The following PROM2 variants were observed in gnomAD, a reference collection of about 807,000 sequenced individuals.
PROM2 encodes the protein prominin 2, also known as prominin-2.
In PROM2, 90 loss-of-function variants were observed where a neutral mutation model predicts 110.2. The observed-to-expected ratio is 0.82, with a 90% confidence interval of 0.69 to 0.97. The LOEUF is 0.97. PROM2 is among the 50% of genes least tolerant of loss of function. PROM2 has a pLI of 0.00. For synonymous variants in PROM2, 470 were observed against 467.8 expected, an observed-to-expected ratio of 1.00 and a Z score of -0.06; for missense variants, 1,009 against 1,074.8, an observed-to-expected ratio of 0.94 and a Z score of 0.86.
intron 14 of PROM2, 32 bp from the exon 15 acceptor site, chr2:95,284,937 G>T: frequency 6.3e-7 from 1 of 1,597,926 alleles, no homozygotes; most frequent in Admixed American, 1.7e-5. Flanking sequence ...CAGCAACTGG[G>T]CATGACTCCC....
At chr2:95,283,416 A>G (rs1463764635) in intron 14 of PROM2, among the ~76,000 whole-genome samples, 4 of 152,238 alleles carry the variant, frequency 2.6e-5, no homozygotes, top group Non-Finnish European at 5.9e-5. Flanking sequence ...CTCAAAGGAG[A>G]CACTGATGGG....
chr2:95,277,982 A>G lies in PROM2; in HGVS notation c.1028A>G (p.Asn343Ser), dbSNP rs576460719. 10 of 1,611,388 alleles carry G rather than the reference A, an allele frequency of 6.2e-6. No individual in the cohort carries two copies. The South Asian group carries it at 6.7e-5, about 11-fold the overall frequency. ...CAGCTAAAAGGTGTCCCCGAGGCCAACTTCTCCAGCATGGTCCAGGAGGTG... is the reference window on the plus strand; with the variant it reads ...CAGCTAAAAGGTGTCCCCGAGGCCAGCTTCTCCAGCATGGTCCAGGAGGTG... ...LHQLKGVPEA[N>S]FSSMVQEENS... is the part of the protein sequence containing the mutation. The change falls in exon 8 of 24, where the codon AAC becomes AGC. Residue 343 changes from asparagine to serine, a missense_variant. Transcript: ENST00000317620.
Position 95,274,627 on chromosome 2 carries a change from G to C in PROM2, c.42G>C (p.Leu14=). 1 of 1,605,042 alleles carries C rather than the reference G, an allele frequency of 6.2e-7. No homozygotes were observed. The highest frequency in any genetic ancestry group is 8.5e-7 in the Non-Finnish European group (1 of 1,173,878). The stretch of plus-strand genomic sequence containing the variant: ...CTCTGCTGGCTCCCCTGCTGGGCCT[G>C]GGCCTGGGGCTGGCCCTGAGTCAGC... The part of the protein sequence containing the change: ...TLALLAPLLG[L]GLGLALSQLA... The change falls in exon 1 of 24, where the codon CTG becomes CTC. Residue 14 remains leucine (L), a synonymous_variant. Coordinates refer to ENST00000317620, the MANE Select transcript of PROM2 (RefSeq NM_001165978.3).
At chr2:95,278,499 G>A in intron 8 of PROM2, 1 of 615,362 alleles carries the variant, frequency 1.6e-6, no homozygotes, top group Admixed American at 2.7e-5. Flanking sequence ...GCAATGGTGG[G>A]AGAGGGATGG....
intron 11 of PROM2, 38 bp from the exon 12 acceptor site, chr2:95,281,203 TC>T: frequency 6.2e-7 from 1 of 1,604,144 alleles, no homozygotes; most frequent in South Asian, 1.1e-5. Flanking sequence ...GGGCAGCCAG[TC>T]CCTGCTGTCC....
chr2:95,277,982 A>T lies in PROM2; in HGVS notation c.1028A>T (p.Asn343Ile). 6.2e-7 allele frequency: 1 copy of T among 1,611,388 alleles called. No individual in the cohort carries two copies. Among genetic ancestry groups the T allele is most frequent in the East Asian group, 2.2e-5 (1 of 44,572 alleles). The change falls in exon 8 of 24, where the codon AAC becomes ATC. Residue 343 changes from asparagine (N) to isoleucine (I), a missense_variant. By Grantham distance (149) the Asn-to-Ile change is moderately radical. Transcript: ENST00000317620. ...CAGCTAAAAGGTGTCCCCGAGGCCA[A>T]CTTCTCCAGCATGGTCCAGGAGGTG... is the stretch of plus-strand genomic sequence containing the variant. ...LHQLKGVPEA[N>I]FSSMVQEENS...
At chr2:95,280,936 T>G (rs1265796947) in intron 11 of PROM2, among the ~76,000 whole-genome samples, 1 of 152,178 alleles carries the variant, frequency 6.6e-6, no homozygotes, top group African/African-American at 2.4e-5. Flanking sequence ...GCTGGGATTA[T>G]AGGTGTGAGC....
In PROM2 at chr2:95,287,453, G is replaced by A. The variant is rs752284377; in HGVS notation, c.2233G>A (p.Val745Met). The change falls in exon 20 of 24, where the codon GTG becomes ATG. Residue 745 changes from valine (V) to methionine (M), a missense_variant. Transcript: ENST00000317620. ...CTACTTCTCCCAGTACGTGGCCTGG[G>A]TGAGAGAGGAGGTGAGTGGGGCCTC... ...MGYFSQYVAW[V>M]REEVTQRIAT... The A allele has an allele frequency of 3.7e-6, 6 of 1,613,920 alleles. No homozygotes were observed. In the African/African-American group the frequency reaches 8.0e-5, roughly 22 times the overall value.
Position 95,286,486 on chromosome 2 carries a change from C to A in PROM2, c.1955C>A (p.Ser652Tyr). ...LQGLAQAQDNSVLGQRLQEEA... is the reference protein window; with the variant it reads ...LQGLAQAQDNYVLGQRLQEEA... Reference sequence around the variant, plus strand: ...ATTTTTGTATCCTTTCAGGACAATTCTGTGCTGGGGCAGCGGCTGCAGGAG... The same window carrying A: ...ATTTTTGTATCCTTTCAGGACAATTATGTGCTGGGGCAGCGGCTGCAGGAG... The change falls in exon 17 of 24, where the codon TCT (serine) becomes TAT (tyrosine). Residue 652 changes from serine (S) to tyrosine (Y), a missense_variant. Physicochemically the swap from Ser to Tyr is moderately radical, Grantham distance 144 (BLOSUM62 -2). Coordinates refer to ENST00000317620, the MANE Select transcript of PROM2 (RefSeq NM_001165978.3). 2 of 1,613,626 alleles carry A rather than the reference C, an allele frequency of 1.2e-6. No homozygotes were observed. Among genetic ancestry groups the A allele is most frequent in the Non-Finnish European group, 1.7e-6 (2 of 1,179,876 alleles).
rs571131940 is a variant in PROM2 at position 95,288,041 on chromosome 2, C to T, written c.2245-170C>T. Among the ~76,000 whole-genome samples the T allele has an allele frequency of 3.9e-5, 6 of 152,258 alleles. No homozygotes were observed. In the East Asian group the frequency reaches 5.8e-4, roughly 15 times the overall value. On this transcript the variant is annotated intron_variant, in intron 20 of 23. Transcript: ENST00000317620. Reference sequence around the variant, plus strand: ...CAGCGAGGAGTCTGTAGAGTATGTCCGCATCTGTCTGTACCTGCCTCTCTG... The same window carrying T: ...CAGCGAGGAGTCTGTAGAGTATGTCTGCATCTGTCTGTACCTGCCTCTCTG...
chr2:95,278,861 A>C, intron 9 of PROM2, 77 bp downstream of exon 9: 2 of 1,607,688 alleles, frequency 1.2e-6, no homozygotes, highest in Non-Finnish European at 1.7e-6. Flanking sequence ...TTGTTGAGAG[A>C]GGACTGGGGT....
At chr2:95,287,562 G>A in intron 20 of PROM2, 98 bp downstream of exon 20, 1 of 1,255,922 alleles carries the variant, frequency 8.0e-7, no homozygotes, top group South Asian at 1.3e-5. Context: ...CCCCTTGGGG[G>A]TGACCCAGGC....
rs150054018 is a variant in PROM2, at chr2:95,274,753, G to A, written c.168G>A (p.Ala56=). The part of the protein sequence containing the change: ...RARWLAPRVR[A]PGLLDSLYGT... Reference sequence around the variant, plus strand: ...GGTGGCTGGCCCCTCGAGTTCGTGCGCCAGGACTCCTGGACTCCCTCTATG... The same window carrying A: ...GGTGGCTGGCCCCTCGAGTTCGTGCACCAGGACTCCTGGACTCCCTCTATG... Residue 56 remains alanine, a synonymous_variant, in exon 1 of 24, where the codon GCG becomes GCA. Coordinates refer to ENST00000317620, the MANE Select transcript of PROM2 (RefSeq NM_001165978.3). The A allele has an allele frequency of 1.2e-4, 192 of 1,611,548 alleles. 1 individual carries two copies. Among genetic ancestry groups the A allele is most frequent in the Admixed American group, 9.7e-4 (58 of 59,978 alleles).
chr2:95,274,768 C>G lies in PROM2; in HGVS notation c.183C>G (p.Asp61Glu). 6.2e-7 allele frequency: 1 copy of G among 1,611,406 alleles called. No individual in the cohort carries two copies. Among genetic ancestry groups the G allele is most frequent in the South Asian group, 1.1e-5 (1 of 91,020 alleles). Residue 61 changes from aspartate (D) to glutamate (E), a missense_variant, in exon 1 of 24, where the codon GAC becomes GAG. By Grantham distance (45) the Asp-to-Glu change is conservative. Transcript: ENST00000317620. ...GAGTTCGTGCGCCAGGACTCCTGGA[C>G]TCCCTCTATGGCACCGTGCGCCGCT... ...APRVRAPGLLDSLYGTVRRFL... is the reference protein window; with the variant it reads ...APRVRAPGLLESLYGTVRRFL...
At chr2:95,278,108 C>T (rs1037457828) in intron 8 of PROM2, 104 bp downstream of exon 8, 16 of 926,196 alleles carry the variant, frequency 1.7e-5, no homozygotes, top group Admixed American at 1.2e-4. Context: ...ATTTGGGGTC[C>T]CACCCACCAC....
chr2:95,276,079 C>T lies in PROM2; in HGVS notation c.444C>T (p.Ala148=), dbSNP rs761208987. 7.4e-6 allele frequency: 12 copies of T among 1,611,228 alleles called. No homozygotes were observed. The highest frequency in any genetic ancestry group is 9.3e-6 in the Non-Finnish European group (11 of 1,179,858). ...GRVKTEHKAL[A]CERAALMVFL... ...TGAAGACAGAGCACAAGGCGCTGGC[C>T]TGTGAGCGCGCGGCCCTCATGGTCT... Residue 148 remains alanine, a synonymous_variant, in exon 3 of 24, where the codon GCC becomes GCT. Transcript: ENST00000317620. The surrounding 1 kb of genome is among the most constrained non-coding windows in gnomAD (Gnocchi z 4.6).
chr2:95,281,364 A>G lies in PROM2; in HGVS notation c.1550A>G (p.Glu517Gly), dbSNP rs1182601022. The change falls in exon 12 of 24, where the codon GAG (glutamate) becomes GGG (glycine). Residue 517 changes from glutamate to glycine, a missense_variant and splice_region_variant. Coordinates refer to ENST00000317620, the MANE Select transcript of PROM2 (RefSeq NM_001165978.3). ...CQSWENGELF[E>G]FADTPGNLPP... ...AGCTGGGAGAACGGCGAGCTCTTTG[A>G]GGTAGGCCTGTCTCTGCTCACAGGC... 1 of 1,495,274 alleles carries G rather than the reference A, an allele frequency of 6.7e-7. No individual in the cohort carries two copies. Among genetic ancestry groups the G allele is most frequent in the Non-Finnish European group, 9.0e-7 (1 of 1,111,660 alleles). 92.6% of individuals were successfully genotyped at this position (1,495,274 alleles called of 1,614,324 possible). A position where few individuals can be genotyped will look rare whatever the true frequency, so the allele number is the denominator to read the frequency against.
At chr2:95,285,592 C>T in intron 15 of PROM2, 47 bp from the exon 16 acceptor site, 2 of 1,521,814 alleles carry the variant, frequency 1.3e-6, no homozygotes, top group African/African-American at 1.4e-5. Flanking sequence ...TGGTGGGCCC[C>T]AGGGGAGCTG....
rs1276110827 is a variant in PROM2, at chr2:95,285,724, A to G, written c.1947+14A>G. On this transcript the variant is annotated intron_variant, in intron 16 of 23. Transcript: ENST00000317620. ...GCCCAGGCCCAAGTGAGTGGGAAAC[A>G]GGGCCCCGACTGGGCAGCAGGAGCC... 2.5e-6 allele frequency: 4 copies of G among 1,586,252 alleles called. No homozygotes were observed. In the Admixed American group the frequency reaches 7.0e-5, roughly 28 times the overall value.
Sources: gnomAD v4.1 joint callset for allele counts (sites outside exome capture counted in the v4.1 genomes callset) on GRCh38, gnomAD v4.1.1 for gene constraint, Gnocchi (gnomAD v3.1) non-coding constraint, MANE v1.5 for transcripts, NCBI Gene and HGNC (gene_info 2026-07-23, HGNC 2026-07-21) for gene names.